PLGRKT: variants seen among roughly 807,000 people sequenced by gnomAD.
PLGRKT encodes the protein plasminogen receptor with a C-terminal lysine.
A neutral mutation model predicts 18.5 loss-of-function variants in PLGRKT; 22 were observed. The ratio of observed to expected loss-of-function variants is 1.19; its 90% CI spans 0.85 to 1.70. The LOEUF (loss-of-function observed/expected upper bound fraction) is 1.70, where lower values mean the gene tolerates loss of function less well. Among genes scored for constraint, PLGRKT ranks in the 40% most tolerant of loss-of-function variants. The pLI is 0.00. For synonymous variants in PLGRKT, 72 were observed against 52.8 expected (o/e 1.36, Z -1.58); for missense variants, 235 against 174.4 (o/e 1.35, Z -1.96).
At chr9:5,391,169 TTATC>T (rs1817942943) in intron 3 of PLGRKT, among the ~76,000 whole-genome samples, 1 of 151,960 alleles carries the variant, frequency 6.6e-6, no homozygotes, top group African/African-American at 2.4e-5. Context: ...ATCATTAACT[TTATC>T]TAAAAATCAC....
intron 3 of PLGRKT, among the ~76,000 whole-genome samples, chr9:5,378,122 T>C (rs949018172): frequency 4.6e-5 from 7 of 152,192 alleles, no homozygotes; most frequent in African/African-American, 1.7e-4. Flanking sequence ...ATAGTCAACC[T>C]GGTTCTTCAT....
At chr9:5,370,061 C>G (rs969123422) in intron 3 of PLGRKT, among the ~76,000 whole-genome samples, 2 of 151,554 alleles carry the variant, frequency 1.3e-5, no homozygotes, top group Non-Finnish European at 2.9e-5. Flanking sequence ...CACATGTATC[C>G]CGGAATTTAA....
chr9:5,403,591 C>T (rs752298703), intron 3 of PLGRKT, among the ~76,000 whole-genome samples: 11 of 152,248 alleles, frequency 7.2e-5, no homozygotes, highest in Admixed American at 1.3e-4. Flanking sequence ...ATAAAGGCAA[C>T]GATAAGATTG....
intron 3 of PLGRKT, among the ~76,000 whole-genome samples, chr9:5,431,239 T>G (rs1338782060): frequency 6.6e-6 from 1 of 152,124 alleles, no homozygotes; most frequent in Non-Finnish European, 1.5e-5. Flanking sequence ...TCCTTCTTTC[T>G]CTTATAAAGA....
chr9:5,430,679 A>T (rs1039335994), intron 3 of PLGRKT, among the ~76,000 whole-genome samples: 25 of 152,232 alleles, frequency 1.6e-4, no homozygotes, highest in African/African-American at 5.1e-4. Context: ...ACTGGGATTC[A>T]AACTCAGGCA....
intron 3 of PLGRKT, among the ~76,000 whole-genome samples, chr9:5,367,854 G>C (rs1490128635): frequency 2.0e-5 from 3 of 152,044 alleles, no homozygotes; most frequent in African/African-American, 7.2e-5. Flanking sequence ...CAAAGGTCTA[G>C]TATCCAGAAT....
chr9:5,377,773 C>T (rs1174514149), intron 3 of PLGRKT, among the ~76,000 whole-genome samples: 1 of 152,100 alleles, frequency 6.6e-6, no homozygotes, highest in African/African-American at 2.4e-5. Flanking sequence ...ACAGAGGTGG[C>T]AGTGTTTGTC....
chr9:5,408,418 C>T (rs948810461), intron 3 of PLGRKT, among the ~76,000 whole-genome samples: 7 of 152,300 alleles, frequency 4.6e-5, no homozygotes, highest in African/African-American at 1.4e-4. Flanking sequence ...TGCGCAACTT[C>T]GAGCTTGAGA....
At chr9:5,400,994 T>C (rs560318265) in intron 3 of PLGRKT, among the ~76,000 whole-genome samples, 1 of 152,036 alleles carries the variant, frequency 6.6e-6, no homozygotes, top group South Asian at 2.1e-4. Context: ...GAAACCAAGT[T>C]AGATAAGATC....
At chr9:5,364,138 G>C (rs1980668) in intron 3 of PLGRKT, among the ~76,000 whole-genome samples, 1 of 152,172 alleles carries the variant, frequency 6.6e-6, no homozygotes. Flanking sequence ...CAAAGGTCTA[G>C]TAACCAGATA....
rs554943654 is a variant in PLGRKT at position 5,360,713 on chromosome 9, T to C, written c.322+365A>G. ...ATACAATAGCTATAAATAACCAGAG[T>C]ATGGATAATAGTAAATATTTAGAAA... is the stretch of plus-strand genomic sequence containing the variant. On this transcript the variant is annotated intron_variant, in intron 5 of 5. Coordinates refer to ENST00000223864, the MANE Select transcript of PLGRKT (RefSeq NM_018465.4). Among the ~76,000 whole-genome samples the C allele has an allele frequency of 2.4e-3, 364 of 152,284 alleles. 1 individual carries two copies. The highest frequency in any genetic ancestry group is 8.5e-3 in the African/African-American group (352 of 41,552).
At chr9:5,421,331 G>A (rs1342007191) in intron 3 of PLGRKT, among the ~76,000 whole-genome samples, 6 of 152,184 alleles carry the variant, frequency 3.9e-5, no homozygotes, top group Non-Finnish European at 4.4e-5. Flanking sequence ...CACCTTCTGA[G>A]GCTTTCACTA....
chr9:5,421,517 A>G (rs1818574999), intron 3 of PLGRKT, among the ~76,000 whole-genome samples: 1 of 152,214 alleles, frequency 6.6e-6, no homozygotes, highest in Non-Finnish European at 1.5e-5. Context: ...TTTGTTCACT[A>G]TTATGTCTCC....
intron 3 of PLGRKT, among the ~76,000 whole-genome samples, chr9:5,407,637 T>C (rs547260050): frequency 1.3e-5 from 2 of 151,914 alleles, no homozygotes; most frequent in Non-Finnish European, 2.9e-5. Flanking sequence ...TCTAATGTTG[T>C]TCTTACAAAT....
chr9:5,367,020 T>TAC (rs775299015), intron 3 of PLGRKT, among the ~76,000 whole-genome samples: 5,117 of 58,060 alleles, frequency 0.088, 133 homozygotes, highest in African/African-American at 0.15. Context: ...GACAGACAGA[T>TAC]ACACACACAT....
intron 1 of PLGRKT, among the ~76,000 whole-genome samples, chr9:5,436,930 ATAAGT>A (rs1401907318): frequency 2.0e-5 from 3 of 152,332 alleles, no homozygotes; most frequent in East Asian, 3.9e-4. Flanking sequence ...ACTCACTTGT[ATAAGT>A]TAAGTCTTTT....
Position 5,371,703 on chromosome 9 carries a change from G to C in PLGRKT, c.82-9815C>G, listed in dbSNP as rs76805552. Among the ~76,000 whole-genome samples the C allele has an allele frequency of 8.8e-3, 1,333 of 152,194 alleles. 21 individuals are homozygous for C. Among genetic ancestry groups the C allele is most frequent in the East Asian group, 0.027 (138 of 5,176 alleles). On this transcript the variant is annotated intron_variant, in intron 3 of 5. Transcript: ENST00000223864. The stretch of plus-strand genomic sequence containing the variant: ...CTTGAAAGTCACAGCTCCTAACAGT[G>C]TCTGGTAAGTTATTAGCACTGTCAA...
Position 5,418,258 on chromosome 9 carries a change from T to A in PLGRKT, c.81+13639A>T. The A allele has an allele frequency of 2.4e-6, 1 of 416,728 alleles. No homozygotes were observed. The highest frequency in any genetic ancestry group is 4.6e-6 in the Non-Finnish European group (1 of 218,570). 25.8% of individuals were successfully genotyped at this position (416,728 alleles called of 1,614,324 possible). ...ATCAAGAGGCAAACCAGAGGCCAGCTCTCAGCACCAAATGGTCAGTGTCGC... is the reference window on the plus strand; with the variant it reads ...ATCAAGAGGCAAACCAGAGGCCAGCACTCAGCACCAAATGGTCAGTGTCGC... On this transcript the variant is annotated intron_variant, in intron 3 of 5. Transcript: ENST00000223864. The surrounding 1 kb of genome is among the most constrained non-coding windows in gnomAD (Gnocchi z 4.2).
chr9:5,368,905 T>C (rs141399853), intron 3 of PLGRKT, among the ~76,000 whole-genome samples: 1 of 152,174 alleles, frequency 6.6e-6, no homozygotes, highest in African/African-American at 2.4e-5. Flanking sequence ...GCTAGCCATA[T>C]GCAGAAAACT....
Sources: gnomAD v4.1 joint callset for allele counts (sites outside exome capture counted in the v4.1 genomes callset) on GRCh38, gnomAD v4.1.1 for gene constraint, Gnocchi (gnomAD v3.1) non-coding constraint, MANE v1.5 for transcripts, NCBI Gene and HGNC (gene_info 2026-07-23, HGNC 2026-07-21) for gene names.